The following MPND variants were observed in gnomAD, a reference collection of about 807,000 sequenced individuals.
MPND encodes the protein MPN domain containing.
MPND carries 56 observed loss-of-function variants against 59.2 expected under a neutral mutation model. That is an observed-to-expected ratio of 0.95 (90% confidence interval 0.76 to 1.18). The LOEUF (loss-of-function observed/expected upper bound fraction) is 1.18, where lower values mean the gene tolerates loss of function less well. Ranked by LOEUF, MPND falls within the 50% of genes most tolerant of loss-of-function variation. MPND has a pLI of 0.00. For synonymous variants in MPND, 323 were observed against 291.9 expected (o/e 1.11, Z -1.09); for missense variants, 671 against 676.0 (o/e 0.99, Z 0.08).
intron 2 of MPND, among the ~76,000 whole-genome samples, chr19:4,344,839 G>A (rs542715304): frequency 6.8e-6 from 1 of 147,924 alleles, no homozygotes; most frequent in South Asian, 2.1e-4. Flanking sequence ...CCCGGTTCAA[G>A]CGATTTTCTG....
chr19:4,345,846 G>C lies in MPND; in HGVS notation c.396G>C (p.Lys132Asn), dbSNP rs2144813929. The change falls in exon 3 of 13, where the codon AAG (lysine) becomes AAC (asparagine). Residue 132 changes from lysine (K) to asparagine (N), a missense_variant. Physicochemically the swap from Lys to Asn is moderately conservative, Grantham distance 94 (BLOSUM62 0). Coordinates refer to ENST00000599840, the MANE Select transcript of MPND (RefSeq NM_001300862.2). Reference protein sequence around the residue: ...NSPSAWATHCKKLVNPAKKSG... With the variant: ...NSPSAWATHCNKLVNPAKKSG... ...CCAGCGCCTGGGCCACCCACTGCAAGAAGCTGGTGAACCCTGCCAAGAAGT... is the reference window on the plus strand; with the variant it reads ...CCAGCGCCTGGGCCACCCACTGCAACAAGCTGGTGAACCCTGCCAAGAAGT... The C allele has an allele frequency of 6.2e-7, 1 of 1,614,126 alleles. No homozygotes were observed. Among genetic ancestry groups the C allele is most frequent in the East Asian group, 2.2e-5 (1 of 44,890 alleles).
At chr19:4,357,637 T>A in intron 10 of MPND, 52 bp downstream of exon 10, 1 of 1,551,532 alleles carries the variant, frequency 6.4e-7, no homozygotes. Context: ...CTGGGGCATT[T>A]GGGTCACGAC....
chr19:4,348,828 TTTA>T (rs1251593618), intron 3 of MPND: 1 of 152,332 alleles, frequency 6.6e-6, no homozygotes, highest in East Asian at 1.9e-4. Flanking sequence ...GGCTAATTTT[TTTA>T]TTTTTAGTGG....
intron 3 of MPND, among the ~76,000 whole-genome samples, chr19:4,349,808 C>T (rs1972274246): frequency 6.6e-6 from 1 of 152,168 alleles, no homozygotes; most frequent in Admixed American, 6.6e-5. Flanking sequence ...AGCCATGGAG[C>T]CTGGTCAAGA....
intron 3 of MPND, among the ~76,000 whole-genome samples, chr19:4,351,861 C>CAAAA (rs1217874445): frequency 1.2e-4 from 6 of 51,418 alleles, no homozygotes; most frequent in Non-Finnish European, 1.7e-4. Context: ...GACTCTGTCT[C>CAAAA]AAAAAAAAAA....
chr19:4,357,599 T>C lies in MPND; in HGVS notation c.1236+14T>C. 2 of 1,603,332 alleles carry C rather than the reference T, an allele frequency of 1.2e-6. No individual in the cohort carries two copies. Among genetic ancestry groups the C allele is most frequent in the African/African-American group, 1.3e-5 (1 of 74,988 alleles). On this transcript the variant is annotated intron_variant, in intron 10 of 12. Transcript: ENST00000599840. ...CCTCCTCCCGAGGTAGGTGGGGCTG[T>C]TGGGAGAGCCTGGGGGGCCCGGGAG...
rs1568399425 is a variant in MPND, at chr19:4,355,010, T to C, written c.908T>C (p.Val303Ala). 7.3e-7 allele frequency: 1 copy of C among 1,364,632 alleles called. No homozygotes were observed. Among genetic ancestry groups the C allele is most frequent in the Admixed American group, 2.0e-5 (1 of 50,178 alleles). 84.5% of individuals were successfully genotyped at this position (1,364,632 alleles called of 1,614,324 possible). ...GGTTACCTGGGGGGCCGCTGGGACG[T>C]CAACAGCCAGAGTGGGTATCCAGGG... Reference protein sequence around the residue: ...VVGYLGGRWDVNSQMLTVLRA... With the variant: ...VVGYLGGRWDANSQMLTVLRA... The change falls in exon 7 of 13, where the codon GTC becomes GCC. Residue 303 changes from valine to alanine, a missense_variant. By Grantham distance (64) the Val-to-Ala change is moderately conservative. Transcript: ENST00000599840.
intron 12 of MPND, among the ~76,000 whole-genome samples, 190 bp downstream of exon 12, chr19:4,359,445 C>T (rs1972528391): frequency 6.6e-6 from 1 of 152,158 alleles, no homozygotes; most frequent in East Asian, 1.9e-4. Context: ...GACTGTGGAG[C>T]TTTAAGCTCC....
chr19:4,348,985 C>G (rs1385148829), intron 3 of MPND: 1 of 216,694 alleles, frequency 4.6e-6, no homozygotes, highest in Non-Finnish European at 9.8e-6. Context: ...ATACAGTCCT[C>G]AGTGCCAGCA....
In MPND at chr19:4,354,943, C is replaced by A; in HGVS notation, c.847-6C>A. On this transcript the variant is annotated splice_polypyrimidine_tract_variant and splice_region_variant and intron_variant, in intron 6 of 12. Coordinates refer to ENST00000599840, the MANE Select transcript of MPND (RefSeq NM_001300862.2). ...GCCAGTCTTTTGCTGTTCCTCCCTT[C>A]CCCAGGACTTCCACAGTCACCTGAC... The A allele has an allele frequency of 6.3e-7, 1 of 1,583,586 alleles. No homozygotes were observed. The highest frequency in any genetic ancestry group is 8.6e-7 in the Non-Finnish European group (1 of 1,161,802).
intron 6 of MPND, chr19:4,354,624 T>C (rs765720956): frequency 2.5e-5 from 15 of 603,250 alleles, no homozygotes; most frequent in Non-Finnish European, 2.6e-5. Flanking sequence ...CCCAGCACTT[T>C]GGGAAGCTGA....
chr19:4,349,927 C>T (rs893724211), intron 3 of MPND, among the ~76,000 whole-genome samples: 1 of 152,206 alleles, frequency 6.6e-6, no homozygotes, highest in Non-Finnish European at 1.5e-5. Context: ...GGCACTCTTG[C>T]CTAGCTAAGA....
chr19:4,359,046 GGTTT>G (rs1285194625), intron 11 of MPND, 113 bp from the exon 12 acceptor site: 1 of 673,108 alleles, frequency 1.5e-6, no homozygotes, highest in Non-Finnish European at 2.7e-6. Flanking sequence ...CTTTGTGGTT[GGTTT>G]GTTAGTGATG....
chr19:4,346,031 AG>A, intron 3 of MPND, 50 bp downstream of exon 3: 2 of 1,492,604 alleles, frequency 1.3e-6, no homozygotes, highest in Non-Finnish European at 1.8e-6. Flanking sequence ...CTGTGGAATG[AG>A]GGGTGCCCAG....
chr19:4,354,554 G>T, intron 6 of MPND, 134 bp downstream of exon 6: 1 of 739,666 alleles, frequency 1.4e-6, no homozygotes, highest in East Asian at 2.7e-5. Flanking sequence ...TACACTGTGG[G>T]TGCTCAATAA....
chr19:4,354,709 C>T, intron 6 of MPND: 2 of 587,070 alleles, frequency 3.4e-6, no homozygotes, highest in Non-Finnish European at 6.0e-6. Context: ...ACTAAATATA[C>T]AAAAATTAGC....
intron 5 of MPND, 54 bp from the exon 6 acceptor site, chr19:4,354,270 C>T (rs1412517114): frequency 9.9e-6 from 15 of 1,515,496 alleles, no homozygotes; most frequent in Non-Finnish European, 1.3e-5. Context: ...AGTGTGGGGG[C>T]GAGGGAAGAG....
chr19:4,357,691 C>T (rs560411336), intron 10 of MPND, 106 bp downstream of exon 10: 4 of 1,155,210 alleles, frequency 3.5e-6, no homozygotes, highest in East Asian at 5.1e-5. Flanking sequence ...AGAGTTGGGG[C>T]CCCAGTTTCT....
At chr19:4,345,532 G>A (rs988367786) in intron 2 of MPND, among the ~76,000 whole-genome samples, 1 of 152,192 alleles carries the variant, frequency 6.6e-6, no homozygotes, top group African/African-American at 2.4e-5. Flanking sequence ...GGTGGGCGGG[G>A]TGCAGATATC....
Sources: gnomAD v4.1 joint callset for allele counts (sites outside exome capture counted in the v4.1 genomes callset) on GRCh38, gnomAD v4.1.1 for gene constraint, MANE v1.5 for transcripts, NCBI Gene and HGNC (gene_info 2026-07-23, HGNC 2026-07-21) for gene names.